The following ALKBH8 variants were observed in gnomAD, a reference collection of about 807,000 sequenced individuals.
ALKBH8 encodes alkB homolog 8, tRNA methyltransferase.
Under a neutral mutation model 59.8 loss-of-function variants are expected in ALKBH8, and 36 were observed. The observed-to-expected ratio is 0.60, with a 90% CI of 0.46 to 0.79. The LOEUF (loss-of-function observed/expected upper bound fraction) is 0.79. Among genes scored for constraint, ALKBH8 ranks in the 30% least tolerant of loss-of-function variants. The probability of loss-of-function intolerance (pLI) is 0.00; values close to 1 mark genes in which losing one functional copy is unlikely to be tolerated. For missense variants in ALKBH8, 768 were observed against 801.0 expected, an observed-to-expected ratio of 0.96 and a Z score of 0.50; for synonymous variants, 276 against 273.6, an observed-to-expected ratio of 1.01 and a Z score of -0.09.
At chr11:107,546,520 G>C (rs1864262594) in intron 7 of ALKBH8, among the ~76,000 whole-genome samples, 1 of 152,068 alleles carries the variant, frequency 6.6e-6, no homozygotes, top group South Asian at 2.1e-4. Context: ...CTCAGTTAGG[G>C]GAGCACTGAG....
intron 5 of ALKBH8, among the ~76,000 whole-genome samples, chr11:107,552,152 G>A (rs1243755696): frequency 6.7e-6 from 1 of 149,770 alleles, no homozygotes; most frequent in African/African-American, 2.5e-5. Flanking sequence ...CAACAGTTTT[G>A]GTATTTTATA....
chr11:107,554,952 T>C (rs1034381157), intron 3 of ALKBH8, among the ~76,000 whole-genome samples: 2 of 152,210 alleles, frequency 1.3e-5, no homozygotes, highest in African/African-American at 4.8e-5. Context: ...AGCAGATATC[T>C]AAACAAGCAT....
intron 10 of ALKBH8, 83 bp downstream of exon 10, chr11:107,522,216 A>T: frequency 6.9e-7 from 1 of 1,443,502 alleles, no homozygotes; most frequent in Non-Finnish European, 9.2e-7. Context: ...GATCTAAAAA[A>T]ACAGGATTAT....
At chr11:107,534,366 T>G (rs960546718) in intron 7 of ALKBH8, among the ~76,000 whole-genome samples, 3 of 152,158 alleles carry the variant, frequency 2.0e-5, no homozygotes. Context: ...GGGAAAATAT[T>G]CTAGAAGACT....
intron 9 of ALKBH8, among the ~76,000 whole-genome samples, chr11:107,522,941 G>A (rs1863184610): frequency 6.6e-6 from 1 of 152,070 alleles, no homozygotes; most frequent in Non-Finnish European, 1.5e-5. Flanking sequence ...TTAGAAACAG[G>A]GGACTACCTG....
chr11:107,528,343 T>C lies in ALKBH8; in HGVS notation c.879-2751A>G, dbSNP rs531496676. Among the ~76,000 whole-genome samples, 7 of 151,814 alleles carry C rather than the reference T, an allele frequency of 4.6e-5. 1 individual carries two copies. The South Asian group carries it at 1.2e-3, about 27-fold the overall frequency. On this transcript the variant is annotated intron_variant, in intron 8 of 11. Transcript: ENST00000428149. ...TCATAAAACAAAGTAGGAGAATGGC[T>C]TTTTTATTATTATGATTATTATACT...
intron 7 of ALKBH8, among the ~76,000 whole-genome samples, chr11:107,533,077 T>A: frequency 6.6e-6 from 1 of 152,256 alleles, no homozygotes; most frequent in South Asian, 2.1e-4. Context: ...CAACTTTTCC[T>A]AAGTTATGCT....
intron 7 of ALKBH8, among the ~76,000 whole-genome samples, chr11:107,538,822 T>C (rs976273755): frequency 1.3e-5 from 2 of 152,202 alleles, no homozygotes; most frequent in Non-Finnish European, 2.9e-5. Context: ...TGATCCTTAA[T>C]GGTTAGAAAG....
rs369693646 is a variant in ALKBH8 at position 107,527,740 on chromosome 11, T to A, written c.879-2148A>T. 7.2e-5 allele frequency among the ~76,000 whole-genome samples: 11 copies of A among 152,172 alleles called. 1 individual carries two copies. The highest frequency in any genetic ancestry group is 2.6e-4 in the African/African-American group (11 of 41,582). Reference sequence around the variant, plus strand: ...TGTAGATTCTCTAGGATTTTCTATATCCACAATAATGTAATCTACAAATAA... The same window carrying A: ...TGTAGATTCTCTAGGATTTTCTATAACCACAATAATGTAATCTACAAATAA... On this transcript the variant is annotated intron_variant, in intron 8 of 11. Transcript: ENST00000428149.
chr11:107,564,443 T>C (rs956563919), intron 1 of ALKBH8, among the ~76,000 whole-genome samples: 1 of 152,148 alleles, frequency 6.6e-6, no homozygotes, highest in African/African-American at 2.4e-5. Context: ...TCTAACTTCC[T>C]ATCAAACGAG....
At chr11:107,542,571 G>A (rs1305158781) in intron 7 of ALKBH8, among the ~76,000 whole-genome samples, 2 of 152,138 alleles carry the variant, frequency 1.3e-5, no homozygotes, top group Non-Finnish European at 2.9e-5. Flanking sequence ...CAATAAAGCG[G>A]TACTTAAAAG....
rs1863163140 is a variant in ALKBH8 at position 107,522,549 on chromosome 11, G to GGTTCCTCT, written c.1036_1037insAGAGGAAC (p.Pro346GlnfsTer59). ...TTTCCTCTGGCTATCACAGACCAAC[G>GGTTCCTCT]GGTAACCTTAATGAAAAAGCAATAC... On this transcript the variant is annotated frameshift_variant, in exon 10 of 12. Transcript: ENST00000428149. LOFTEE classifies it high-confidence loss of function. 1.3e-6 allele frequency: 2 copies of GGTTCCTCT among 1,550,788 alleles called. No individual in the cohort carries two copies. The highest frequency in any genetic ancestry group is 4.9e-5 in the East Asian group (2 of 40,910).
chr11:107,553,353 G>T, intron 4 of ALKBH8, 150 bp from the exon 5 acceptor site: 1 of 541,630 alleles, frequency 1.8e-6, no homozygotes, highest in Non-Finnish European at 3.2e-6. Flanking sequence ...TAACCATTTT[G>T]CCTTATATTT....
At chr11:107,511,100 A>G in intron 10 of ALKBH8, 64 bp from the exon 11 acceptor site, 4 of 1,496,318 alleles carry the variant, frequency 2.7e-6, no homozygotes, top group East Asian at 2.5e-5. Flanking sequence ...AGAACTATGA[A>G]CTTATTCCAT....
At chr11:107,511,117 A>C (rs1862605201) in intron 10 of ALKBH8, 81 bp from the exon 11 acceptor site, 1 of 1,392,002 alleles carries the variant, frequency 7.2e-7, no homozygotes, top group African/African-American at 1.4e-5. Flanking sequence ...CCATACCTTA[A>C]AGTCATTAGA....
In ALKBH8 at chr11:107,518,096, G is replaced by T. The variant is rs571275489; in HGVS notation, c.1287+4203C>A. On this transcript the variant is annotated intron_variant, in intron 10 of 11. Transcript: ENST00000428149. ...AAAAATAAAATACAGAAAAAATACT[G>T]TATTATAAAATTCAGAAACATTTTA... is the stretch of plus-strand genomic sequence containing the variant. Among the ~76,000 whole-genome samples, 36 of 151,902 alleles carry T rather than the reference G, an allele frequency of 2.4e-4. 2 individuals carry two copies. In the South Asian group the frequency reaches 7.3e-3, roughly 31 times the overall value.
At chr11:107,530,600 A>AACACACACACACACAC (rs66736211) in intron 8 of ALKBH8, among the ~76,000 whole-genome samples, 4 of 132,198 alleles carry the variant, frequency 3.0e-5, no homozygotes, top group East Asian at 2.3e-4. Flanking sequence ...CTCTCTTCCT[A>AACACACACACACACAC]ACACACACAC....
chr11:107,503,182 A>G lies in ALKBH8; in HGVS notation c.*1476T>C, dbSNP rs1488841072. 1 of 152,210 alleles carries G rather than the reference A, an allele frequency of 6.6e-6. No homozygotes were observed. The highest frequency in any genetic ancestry group is 6.5e-5 in the Admixed American group (1 of 15,274). The allele number at this position is 152,210 out of a possible 1,614,324, so 9.4% of individuals were successfully genotyped here. A position where few individuals can be genotyped will look rare whatever the true frequency, so the allele number is the denominator to read the frequency against. ...ACTTTGGTGTCAAGTACCAGAATTT[A>G]TATCAGAAATAAAACTATTTTTAGC... On this transcript the variant is annotated 3_prime_UTR_variant, in exon 12 of 12. Transcript: ENST00000428149.
intron 2 of ALKBH8, among the ~76,000 whole-genome samples, chr11:107,559,865 T>C (rs1864867469): frequency 6.6e-6 from 1 of 152,148 alleles, no homozygotes; most frequent in Non-Finnish European, 1.5e-5. Flanking sequence ...GTCTGAGAGT[T>C]GAGAGGCCTA....
Sources: gnomAD v4.1 joint callset for allele counts (sites outside exome capture counted in the v4.1 genomes callset) on GRCh38, gnomAD v4.1.1 for gene constraint, MANE v1.5 for transcripts, NCBI Gene and HGNC (gene_info 2026-07-23, HGNC 2026-07-21) for gene names.